The following PTPRR variants were observed in gnomAD, a reference collection of about 807,000 sequenced individuals.
The protein encoded by PTPRR is protein tyrosine phosphatase receptor type R, also known as receptor-type tyrosine-protein phosphatase R.
In PTPRR, 38 loss-of-function variants were observed where a neutral mutation model predicts 77.2. That is an observed-to-expected ratio of 0.49 (90% CI 0.38 to 0.65). The LOEUF (loss-of-function observed/expected upper bound fraction) is 0.65. Among genes scored for constraint, PTPRR ranks in the 30% least tolerant of loss-of-function variants. The probability of loss-of-function intolerance (pLI) is 0.00; values close to 1 mark genes in which losing one functional copy is unlikely to be tolerated. For synonymous variants in PTPRR, 299 were observed against 283.1 expected, an observed-to-expected ratio of 1.06 and a Z score of -0.57; for missense variants, 744 against 799.2, an observed-to-expected ratio of 0.93 and a Z score of 0.83.
intron 1 of PTPRR, 148 bp from the exon 2 acceptor site, chr12:70,893,125 A>C: frequency 2.3e-6 from 2 of 876,360 alleles, no homozygotes. Flanking sequence ...TGTCTGCTTC[A>C]TGATCCTCAA....
intron 2 of PTPRR, among the ~76,000 whole-genome samples, chr12:70,872,972 A>T (rs1483366407): frequency 1.3e-5 from 2 of 152,148 alleles, no homozygotes; most frequent in Non-Finnish European, 2.9e-5. Context: ...AATTTATTTG[A>T]TCATTACTAA....
Position 70,840,856 on chromosome 12 carries a change from A to T in PTPRR, c.357+51823T>A, listed in dbSNP as rs186102277. On this transcript the variant is annotated intron_variant, in intron 2 of 13. Coordinates refer to ENST00000283228, the MANE Select transcript of PTPRR (RefSeq NM_002849.4). Reference sequence around the variant, plus strand: ...ATTCCAGAATAGTCTCTTCCAACAAAATTATCACAACAGGGGCCAGGTTCA... The same window carrying T: ...ATTCCAGAATAGTCTCTTCCAACAATATTATCACAACAGGGGCCAGGTTCA... 4.5e-4 allele frequency among the ~76,000 whole-genome samples: 68 copies of T among 152,124 alleles called. 1 individual carries two copies. In the East Asian group the frequency reaches 0.011, roughly 25 times the overall value.
intron 2 of PTPRR, among the ~76,000 whole-genome samples, chr12:70,801,957 G>A (rs1170740952): frequency 5.9e-5 from 9 of 152,098 alleles, no homozygotes; most frequent in Non-Finnish European, 1.2e-4. Flanking sequence ...TAGATAGGAG[G>A]GTAAAAACAG....
intron 6 of PTPRR, among the ~76,000 whole-genome samples, chr12:70,725,396 C>G (rs1378731519): frequency 6.6e-6 from 1 of 152,060 alleles, no homozygotes; most frequent in African/African-American, 2.4e-5. Context: ...TGAAAACAAT[C>G]CCACAAGTTC....
At chr12:70,646,299 T>A (rs1886196700) in intron 13 of PTPRR, among the ~76,000 whole-genome samples, 1 of 152,118 alleles carries the variant, frequency 6.6e-6, no homozygotes, top group African/African-American at 2.4e-5. Flanking sequence ...AGATGTCATA[T>A]CAAGGAGGGA....
intron 13 of PTPRR, among the ~76,000 whole-genome samples, chr12:70,655,848 C>T (rs2136662346): frequency 6.6e-6 from 1 of 152,248 alleles, no homozygotes; most frequent in Non-Finnish European, 1.5e-5. Context: ...ATAAATTGTC[C>T]ACTTACAAAT....
rs1328230111 is a variant in PTPRR at position 70,818,230 on chromosome 12, C to T, written c.358-53452G>A. 6.7e-5 allele frequency among the ~76,000 whole-genome samples: 9 copies of T among 134,332 alleles called. No individual in the cohort carries two copies. In the East Asian group the frequency reaches 8.2e-4, roughly 12 times the overall value. 88.1% of individuals were successfully genotyped at this position (134,332 alleles called of 152,430 possible). A position where few individuals can be genotyped will look rare whatever the true frequency, so the allele number is the denominator to read the frequency against. Reference sequence around the variant, plus strand: ...CAGCCTGGGTGACAAAGTGAAACTCCGTCTCAAAAAAAAAAAAAAAAAAAG... The same window carrying T: ...CAGCCTGGGTGACAAAGTGAAACTCTGTCTCAAAAAAAAAAAAAAAAAAAG... On this transcript the variant is annotated intron_variant, in intron 2 of 13. Coordinates refer to ENST00000283228, the MANE Select transcript of PTPRR (RefSeq NM_002849.4).
At chr12:70,645,985 T>C (rs1399278631) in intron 13 of PTPRR, among the ~76,000 whole-genome samples, 1 of 152,202 alleles carries the variant, frequency 6.6e-6, no homozygotes, top group African/African-American at 2.4e-5. Flanking sequence ...TTTCCTGTCG[T>C]ACCGCCCAGC....
chr12:70,738,263 T>C (rs938260506), intron 6 of PTPRR, among the ~76,000 whole-genome samples: 1 of 152,178 alleles, frequency 6.6e-6, no homozygotes, highest in Non-Finnish European at 1.5e-5. Flanking sequence ...TACCCTATTA[T>C]GGTACAGCTG....
At chr12:70,640,801 A>G (rs951671520) in intron 13 of PTPRR, among the ~76,000 whole-genome samples, 3 of 152,242 alleles carry the variant, frequency 2.0e-5, no homozygotes, top group African/African-American at 4.8e-5. Context: ...ATCTATGTCA[A>G]TATTAGAGCA....
intron 2 of PTPRR, among the ~76,000 whole-genome samples, chr12:70,833,128 C>T (rs1449714774): frequency 6.6e-6 from 1 of 152,110 alleles, no homozygotes; most frequent in Non-Finnish European, 1.5e-5. Context: ...CACATTTCAA[C>T]ATGAGATTTG....
chr12:70,759,553 C>T (rs564656133), intron 4 of PTPRR, among the ~76,000 whole-genome samples: 15 of 151,516 alleles, frequency 9.9e-5, no homozygotes, highest in Non-Finnish European at 1.8e-4. Flanking sequence ...TGGTGGCAGG[C>T]GCCTGTAGTC....
chr12:70,866,498 T>C (rs1035413289), intron 2 of PTPRR, among the ~76,000 whole-genome samples: 3 of 152,168 alleles, frequency 2.0e-5, no homozygotes, highest in Non-Finnish European at 2.9e-5. Flanking sequence ...GTTGAATCCC[T>C]GAATAGACCA....
chr12:70,683,524 C>T (rs1887751008), intron 10 of PTPRR, among the ~76,000 whole-genome samples: 1 of 152,096 alleles, frequency 6.6e-6, no homozygotes, highest in African/African-American at 2.4e-5. Flanking sequence ...CTTAATGAGG[C>T]TCACCTTGCC....
chr12:70,717,637 C>G (rs892467820), intron 6 of PTPRR, among the ~76,000 whole-genome samples: 1 of 152,164 alleles, frequency 6.6e-6, no homozygotes, highest in Non-Finnish European at 1.5e-5. Context: ...AAAGTCAATA[C>G]AAGACACAGG....
chr12:70,907,468 T>A (rs937534633), intron 1 of PTPRR, among the ~76,000 whole-genome samples: 3 of 152,170 alleles, frequency 2.0e-5, no homozygotes, highest in African/African-American at 7.2e-5. Flanking sequence ...AGTGTAAACC[T>A]CTATTTGGGA....
chr12:70,826,092 G>T (rs11608623), intron 2 of PTPRR, among the ~76,000 whole-genome samples: 2,814 of 152,268 alleles, frequency 0.018, 45 homozygotes, highest in East Asian at 0.055. Context: ...GCCTCTGCTA[G>T]AGAAGGAGGA....
intron 8 of PTPRR, among the ~76,000 whole-genome samples, chr12:70,685,923 G>A (rs1887851237): frequency 6.6e-6 from 1 of 152,180 alleles, no homozygotes; most frequent in Non-Finnish European, 1.5e-5. Flanking sequence ...CCAAGAAGTA[G>A]GTAATGGAGT....
chr12:70,878,736 C>A (rs1014126748), intron 2 of PTPRR, among the ~76,000 whole-genome samples: 8 of 152,210 alleles, frequency 5.3e-5, no homozygotes, highest in African/African-American at 1.9e-4. Context: ...TTTGACCCAG[C>A]CATCCCATTA....
Sources: allele counts gnomAD v4.1 joint callset (sites outside exome capture counted in the v4.1 genomes callset), GRCh38; gene constraint gnomAD v4.1.1; transcripts MANE v1.5; gene names NCBI Gene and HGNC (gene_info 2026-07-23, HGNC 2026-07-21).